Variants in GRM7 observed in about 807,000 individuals in gnomAD.
GRM7 encodes the protein metabotropic glutamate receptor 7.
GRM7 carries 35 observed loss-of-function variants against 84.5 expected under a neutral mutation model. The ratio of observed to expected loss-of-function variants is 0.41; its 90% confidence interval spans 0.32 to 0.55. GRM7 has a LOEUF of 0.55. Ranked by LOEUF, GRM7 falls within the 20% of genes least tolerant of loss-of-function variation. The probability of loss-of-function intolerance (pLI) is 0.19; values close to 1 mark genes in which losing one functional copy is unlikely to be tolerated. For synonymous variants in GRM7, 487 were observed against 455.1 expected, an observed-to-expected ratio of 1.07 and a Z score of -0.89; for missense variants, 1,003 against 1,194.6, an observed-to-expected ratio of 0.84 and a Z score of 2.36.
intron 2 of GRM7, among the ~76,000 whole-genome samples, chr3:7,204,828 A>T (rs1051149588): frequency 6.6e-6 from 1 of 152,220 alleles, no homozygotes; most frequent in Non-Finnish European, 1.5e-5. Context: ...TACTCACATT[A>T]AAAATAGCTT....
intron 7 of GRM7, among the ~76,000 whole-genome samples, chr3:7,546,233 A>G (rs574672553): frequency 1.3e-5 from 2 of 152,338 alleles, no homozygotes; most frequent in African/African-American, 2.4e-5. Context: ...GGTAGAGTCA[A>G]TGCTCCTAGA....
At chr3:7,144,823 T>C (rs990922321) in intron 1 of GRM7, among the ~76,000 whole-genome samples, 1 of 152,150 alleles carries the variant, frequency 6.6e-6, no homozygotes, top group Non-Finnish European at 1.5e-5. Context: ...GACAAGTTGC[T>C]CAGGTAGAAG....
At chr3:7,122,767 C>T (rs1484955176) in intron 1 of GRM7, among the ~76,000 whole-genome samples, 1 of 152,168 alleles carries the variant, frequency 6.6e-6, no homozygotes, top group African/African-American at 2.4e-5. Flanking sequence ...TAACAAACAT[C>T]TGTTGGGGTA....
At chr3:7,301,966 A>G (rs1700017608) in intron 3 of GRM7, among the ~76,000 whole-genome samples, 1 of 152,188 alleles carries the variant, frequency 6.6e-6, no homozygotes, top group Admixed American at 6.5e-5. Flanking sequence ...TAAGTGCTAA[A>G]TCAGTCATGG....
At chr3:7,666,401 A>G (rs563804662) in intron 8 of GRM7, among the ~76,000 whole-genome samples, 2 of 152,316 alleles carry the variant, frequency 1.3e-5, no homozygotes, top group South Asian at 4.1e-4. Flanking sequence ...GCCAGATACT[A>G]TAGGGCCATG....
chr3:7,624,820 G>A (rs1248362669), intron 8 of GRM7, among the ~76,000 whole-genome samples: 3 of 152,104 alleles, frequency 2.0e-5, no homozygotes, highest in Non-Finnish European at 1.5e-5. Context: ...AAGGTTAGAC[G>A]TTACCTGGTT....
intron 1 of GRM7, among the ~76,000 whole-genome samples, chr3:7,124,581 A>T (rs1457774663): frequency 6.6e-6 from 1 of 152,202 alleles, no homozygotes; most frequent in African/African-American, 2.4e-5. Flanking sequence ...AAGTTTCCTA[A>T]TAATTGATAA....
chr3:7,055,245 G>C (rs558444432), intron 1 of GRM7, among the ~76,000 whole-genome samples: 3 of 151,046 alleles, frequency 2.0e-5, no homozygotes, highest in Non-Finnish European at 3.0e-5. Flanking sequence ...AGTTGGAGAG[G>C]GTTGCTGCTT....
At chr3:7,389,600 T>C (rs573096700) in intron 4 of GRM7, among the ~76,000 whole-genome samples, 1 of 152,182 alleles carries the variant, frequency 6.6e-6, no homozygotes, top group East Asian at 1.9e-4. Flanking sequence ...ATTACAGAGT[T>C]TATTATAATA....
Position 7,152,685 on chromosome 3 carries a change from C to T in GRM7, c.736+6017C>T, listed in dbSNP as rs148615867. 3.3e-3 allele frequency among the ~76,000 whole-genome samples: 497 copies of T among 152,308 alleles called. 1 individual carries two copies. The highest frequency in any genetic ancestry group is 0.011 in the African/African-American group (469 of 41,580). ...AGAAAGCTCTCTCTTACTCAGTCTT[C>T]CTCTTTTGGAATTCATGGTCCTCTT... is the stretch of plus-strand genomic sequence containing the variant. On this transcript the variant is annotated intron_variant, in intron 2 of 9. Transcript: ENST00000357716.
chr3:7,260,673 T>TTGTGTGTGTGTGTGTGTGTG (rs71063292), intron 2 of GRM7, among the ~76,000 whole-genome samples: 52 of 144,516 alleles, frequency 3.6e-4, no homozygotes, highest in Non-Finnish European at 6.0e-4. Flanking sequence ...TTCTTTTGAA[T>TTGTGTGTGTGTGTGTGTGTG]TGTGTGTGTG....
In GRM7 at chr3:7,643,944, C is replaced by G. The variant is rs1450150446; in HGVS notation, c.2452-36105C>G. ...GGGGCTGGGCCATTCCATGGTCTTG[C>G]TTTTCTACATGTGGTCTTGGAGAGA... On this transcript the variant is annotated intron_variant, in intron 8 of 9. Transcript: ENST00000357716. Among the ~76,000 whole-genome samples, 4 of 151,416 alleles carry G rather than the reference C, an allele frequency of 2.6e-5. No individual in the cohort carries two copies. The East Asian group carries it at 5.8e-4, about 22-fold the overall frequency.
rs548790917 is a variant in GRM7, at chr3:7,527,356, A to T, written c.1516-51066A>T. On this transcript the variant is annotated intron_variant, in intron 7 of 9. Transcript: ENST00000357716. ...TTATTGGTGTATAGAAATGCTACTG[A>T]TTTTTTTTACATTGATTTTGTATCC... Among the ~76,000 whole-genome samples the T allele has an allele frequency of 2.4e-3, 364 of 151,664 alleles. 3 individuals are homozygous for T. Among genetic ancestry groups the T allele is most frequent in the African/African-American group, 8.3e-3 (342 of 41,428 alleles).
intron 9 of GRM7, among the ~76,000 whole-genome samples, chr3:7,702,740 A>T (rs1701270346): frequency 6.6e-6 from 1 of 152,248 alleles, no homozygotes; most frequent in Non-Finnish European, 1.5e-5. Context: ...TACAGGCTAC[A>T]GATTTTCATC....
At chr3:7,082,047 A>T (rs1026012825) in intron 1 of GRM7, among the ~76,000 whole-genome samples, 1 of 152,148 alleles carries the variant, frequency 6.6e-6, no homozygotes, top group Non-Finnish European at 1.5e-5. Context: ...AAGCAGCAGC[A>T]ATTTATCCAG....
intron 9 of GRM7, among the ~76,000 whole-genome samples, chr3:7,696,040 A>G (rs1190658981): frequency 6.6e-6 from 1 of 152,182 alleles, no homozygotes; most frequent in Non-Finnish European, 1.5e-5. Context: ...GAAGATTTCC[A>G]TTATCACAAA....
chr3:6,876,193 G>A (rs111603708), intron 1 of GRM7, among the ~76,000 whole-genome samples: 11,805 of 151,886 alleles, frequency 0.078, 593 homozygotes, highest in Non-Finnish European at 0.11. Context: ...GCTTGAACCC[G>A]GGAGGCAGCG....
intron 9 of GRM7, among the ~76,000 whole-genome samples, chr3:7,683,851 G>A (rs1409335801): frequency 6.6e-6 from 1 of 152,144 alleles, no homozygotes; most frequent in African/African-American, 2.4e-5. Flanking sequence ...AATTGACAAG[G>A]ATTTTATTCT....
intron 9 of GRM7, among the ~76,000 whole-genome samples, chr3:7,709,614 A>G (rs1047809117): frequency 2.6e-5 from 4 of 152,108 alleles, no homozygotes; most frequent in African/African-American, 4.8e-5. Flanking sequence ...CATTCGTTGT[A>G]TATTTTGGGT....
Sources: gnomAD v4.1 joint callset for allele counts (sites outside exome capture counted in the v4.1 genomes callset) on GRCh38, gnomAD v4.1.1 for gene constraint, MANE v1.5 for transcripts, NCBI Gene and HGNC (gene_info 2026-07-23, HGNC 2026-07-21) for gene names.